Variants in CNIH3 observed in about 807,000 individuals in gnomAD.
The protein encoded by CNIH3 is cornichon family AMPA receptor auxiliary protein 3.
In CNIH3, 14 loss-of-function variants were observed where a neutral mutation model predicts 24.1. The ratio of observed to expected loss-of-function variants is 0.58; its 90% CI spans 0.38 to 0.91. The LOEUF is 0.91. CNIH3 is among the 40% of genes least tolerant of loss of function. The pLI, the probability that CNIH3 is intolerant of heterozygous loss-of-function variation, is 0.00. For synonymous variants in CNIH3, 68 were observed against 73.8 expected (o/e 0.92, Z 0.40); for missense variants, 178 against 196.8 (o/e 0.90, Z 0.57).
In CNIH3 at chr1:224,585,555, T is replaced by C. The variant is rs140387497; in HGVS notation, n.620+2288T>C. Among the ~76,000 whole-genome samples, 859 of 152,112 alleles carry C rather than the reference T, an allele frequency of 5.6e-3. 13 individuals carry two copies. Among genetic ancestry groups the C allele is most frequent in the African/African-American group, 0.02 (812 of 41,508 alleles). On this transcript the variant is annotated intron_variant and non_coding_transcript_variant, in intron 5 of 5. Coordinates refer to the CNIH3 transcript ENST00000471578. ...TTGCAGTGATGAAATCATGGGTCACTGCAGTCTTGAACTCTTGGGCTCAAG... is the reference window on the plus strand; with the variant it reads ...TTGCAGTGATGAAATCATGGGTCACCGCAGTCTTGAACTCTTGGGCTCAAG...
chr1:224,645,106 A>T (rs1175259469), intron 1 of CNIH3, among the ~76,000 whole-genome samples: 1 of 152,148 alleles, frequency 6.6e-6, no homozygotes, highest in Non-Finnish European at 1.5e-5. Context: ...CTTTTATTTC[A>T]GTTTTACAGA....
At chr1:224,680,697 C>G (rs1266541629) in intron 1 of CNIH3, among the ~76,000 whole-genome samples, 1 of 152,182 alleles carries the variant, frequency 6.6e-6, no homozygotes, top group Non-Finnish European at 1.5e-5. Context: ...GCACAGTAGA[C>G]TTTCTTTACA....
chr1:224,680,584 C>G (rs746559358), intron 1 of CNIH3, among the ~76,000 whole-genome samples: 6 of 152,166 alleles, frequency 3.9e-5, no homozygotes, highest in Non-Finnish European at 8.8e-5. Context: ...CAAATACACA[C>G]AAATAAAAAA....
intron 4 of CNIH3, chr1:224,575,096 C>G (rs551122529): frequency 4.5e-6 from 4 of 886,650 alleles, no homozygotes; most frequent in Non-Finnish European, 7.7e-6. Context: ...CCGACAGGCC[C>G]TGGGCCAAGC....
chr1:224,640,841 A>T (rs985364183), intron 1 of CNIH3, among the ~76,000 whole-genome samples: 1 of 152,006 alleles, frequency 6.6e-6, no homozygotes, highest in Non-Finnish European at 1.5e-5. Flanking sequence ...GTGGTCGTTA[A>T]GGGGCAGGGG....
chr1:224,704,939 G>A lies in CNIH3; in HGVS notation c.198+20096G>A, dbSNP rs764106282. 3.6e-4 allele frequency among the ~76,000 whole-genome samples: 54 copies of A among 151,948 alleles called. No individual in the cohort carries two copies. Among genetic ancestry groups the A allele is most frequent in the Non-Finnish European group, 6.6e-4 (45 of 67,986 alleles). ...AGCCTGACCAATGTGATGAAACCCC[G>A]TCTCTAGTAAAAAATACAAAAATTA... On this transcript the variant is annotated intron_variant, in intron 3 of 5. Coordinates refer to ENST00000272133, the MANE Select transcript of CNIH3 (RefSeq NM_152495.2). This position sits in a 1 kb window ranked among gnomAD's most constrained non-coding sequence, Gnocchi z 4.2.
At chr1:224,718,205 G>A (rs1417923755) in intron 3 of CNIH3, among the ~76,000 whole-genome samples, 2 of 152,114 alleles carry the variant, frequency 1.3e-5, no homozygotes, top group Admixed American at 6.5e-5. Context: ...GGAGGGAGAC[G>A]ATACTAGATT....
At chr1:224,488,861 T>C (rs1317665375) in intron 1 of CNIH3, among the ~76,000 whole-genome samples, 5 of 152,196 alleles carry the variant, frequency 3.3e-5, no homozygotes, top group Non-Finnish European at 7.3e-5. Context: ...TGCTGACAAT[T>C]CCTATTTTTT....
intron 1 of CNIH3, among the ~76,000 whole-genome samples, chr1:224,669,704 C>T (rs937272505): frequency 3.9e-5 from 6 of 152,182 alleles, no homozygotes; most frequent in Middle Eastern, 3.2e-3. Flanking sequence ...TTTAACTTTA[C>T]GTGCTAGGCA....
chr1:224,716,074 A>C (rs935815005), intron 3 of CNIH3, among the ~76,000 whole-genome samples: 1 of 152,196 alleles, frequency 6.6e-6, no homozygotes, highest in Non-Finnish European at 1.5e-5. Flanking sequence ...CCAATCAATT[A>C]CTAAGTTCTG....
chr1:224,441,924 A>T (rs1674931883), intron 1 of CNIH3, among the ~76,000 whole-genome samples: 1 of 152,164 alleles, frequency 6.6e-6, no homozygotes, highest in Non-Finnish European at 1.5e-5. Flanking sequence ...CAAAAAGCAA[A>T]ACAATAACTC....
chr1:224,525,434 G>A (rs187156821), intron 2 of CNIH3, among the ~76,000 whole-genome samples: 19 of 152,274 alleles, frequency 1.2e-4, no homozygotes, highest in Middle Eastern at 3.4e-3. Context: ...GCTCAGGTCC[G>A]CATAGCTTGT....
chr1:224,623,743 T>C lies in CNIH3; in HGVS notation c.81+6488T>C, dbSNP rs118070440. 2.4e-3 allele frequency among the ~76,000 whole-genome samples: 365 copies of C among 152,270 alleles called. 8 individuals are homozygous for C. In the East Asian group the frequency reaches 0.048, roughly 20 times the overall value. On this transcript the variant is annotated intron_variant, in intron 1 of 5. Coordinates refer to ENST00000272133, the MANE Select transcript of CNIH3 (RefSeq NM_152495.2). ...CAGAAGCAGCAGAGTCTGTCCCTCA[T>C]CTGAGGCCACTTCCTCCCCTCCTAG...
At chr1:224,672,074 A>G (rs1462362214) in intron 1 of CNIH3, among the ~76,000 whole-genome samples, 1 of 152,240 alleles carries the variant, frequency 6.6e-6, no homozygotes, top group Non-Finnish European at 1.5e-5. Context: ...TTTGTGCTTT[A>G]ACAGGACCTT....
At chr1:224,727,772 T>A (rs189124533) in intron 3 of CNIH3, among the ~76,000 whole-genome samples, 2 of 152,238 alleles carry the variant, frequency 1.3e-5, no homozygotes, top group East Asian at 3.9e-4. Context: ...TCACTGTCAC[T>A]CCTAAAAGTC....
chr1:224,508,062 C>A (rs1677990757), intron 1 of CNIH3, among the ~76,000 whole-genome samples: 1 of 152,168 alleles, frequency 6.6e-6, no homozygotes, highest in Non-Finnish European at 1.5e-5. Flanking sequence ...AGAGGTATTT[C>A]CATTTGAGAC....
chr1:224,636,002 C>G (rs1177378385), intron 1 of CNIH3, among the ~76,000 whole-genome samples: 2 of 152,178 alleles, frequency 1.3e-5, no homozygotes, highest in Non-Finnish European at 2.9e-5. Context: ...CGTGAACCCT[C>G]TTTTTTATAT....
At chr1:224,513,981 T>A (rs1325062061), upstream of CNIH3, 2 of 152,218 alleles carry the variant, frequency 1.3e-5, no homozygotes, top group Non-Finnish European at 2.9e-5. Context: ...CTCCCTTTGC[T>A]GATATTTGGA....
chr1:224,687,820 A>T (rs7547239), intron 3 of CNIH3, among the ~76,000 whole-genome samples: 29,998 of 152,052 alleles, frequency 0.2, 3,301 homozygotes, highest in African/African-American at 0.3. Context: ...TCTCAAATCC[A>T]CCTCCTCGAG....
Sources: allele counts gnomAD v4.1 joint callset (sites outside exome capture counted in the v4.1 genomes callset), GRCh38; gene constraint gnomAD v4.1.1; non-coding constraint Gnocchi (gnomAD v3.1); transcripts MANE v1.5; gene names NCBI Gene and HGNC (gene_info 2026-07-23, HGNC 2026-07-21).